Variants in TRPM2 observed in about 807,000 individuals in gnomAD.
The protein encoded by TRPM2 is estrogen-responsive element-associated gene 1 protein.
In TRPM2, 161 loss-of-function variants were observed where a neutral mutation model predicts 174.0. That is an observed-to-expected ratio of 0.93 (90% CI 0.81 to 1.05). The LOEUF is 1.05. TRPM2 is among the 50% of genes least tolerant of loss of function. The pLI is 0.00. For synonymous variants in TRPM2, 954 were observed against 861.3 expected, an observed-to-expected ratio of 1.11 and a Z score of -1.88; for missense variants, 2,057 against 2,038.0, an observed-to-expected ratio of 1.01 and a Z score of -0.18.
intron 9 of TRPM2, among the ~76,000 whole-genome samples, chr21:44,383,762 C>A (rs2146217357): frequency 6.6e-6 from 1 of 152,254 alleles, no homozygotes; most frequent in East Asian, 1.9e-4. Flanking sequence ...CACTACCTTA[C>A]ACAGCCAATG....
At position 44,366,684 on chromosome 21, in the gene TRPM2, C is replaced by A; in HGVS notation, c.424-70C>A. On this transcript the variant is annotated intron_variant, in intron 3 of 31. Transcript: ENST00000397928. The surrounding 1 kb of genome is among the most constrained non-coding windows in gnomAD (Gnocchi z 6.0). ...CGCCCGCTGGGGCCTCTCTGCATGG[C>A]CTGTGTGGGTCGGTGCTGTCCCTGA... 6.2e-7 allele frequency: 1 copy of A among 1,605,692 alleles called. No individual in the cohort carries two copies. The highest frequency in any genetic ancestry group is 8.5e-7 in the Non-Finnish European group (1 of 1,176,228).
intron 19 of TRPM2, 117 bp from the exon 20 acceptor site, chr21:44,413,774 G>A: frequency 8.3e-7 from 1 of 1,204,560 alleles, no homozygotes; most frequent in Non-Finnish European, 1.2e-6. Flanking sequence ...CAAATGAGCA[G>A]CATCAGGCCT....
chr21:44,402,021 G>C, intron 16 of TRPM2, 124 bp downstream of exon 16: 1 of 1,142,232 alleles, frequency 8.8e-7, no homozygotes, highest in Non-Finnish European at 1.3e-6. Flanking sequence ...AAGCTGAGCA[G>C]AGCCGGTGTT....
chr21:44,425,310 G>A (rs1018408274), intron 24 of TRPM2: 5 of 388,984 alleles, frequency 1.3e-5, no homozygotes, highest in Middle Eastern at 6.7e-4. Context: ...TCCTAAATTC[G>A]CAGCCGGCTA....
rs1235415504 is a variant in TRPM2 at position 44,442,174 on chromosome 21, G to A, written c.*357G>A. 1 of 205,992 alleles carries A rather than the reference G, an allele frequency of 4.9e-6. No individual in the cohort carries two copies. The highest frequency in any genetic ancestry group is 2.3e-5 in the African/African-American group (1 of 43,658). 12.8% of individuals were successfully genotyped at this position (205,992 alleles called of 1,614,324 possible). On this transcript the variant is annotated 3_prime_UTR_variant, in exon 32 of 32. Transcript: ENST00000397928. ...CCCGAGCAGCTCATCCACCATGGAG[G>A]TCATTGGCCTGAGGCAAGTTCCCCG... is the stretch of plus-strand genomic sequence containing the variant.
At chr21:44,428,458 C>CTT (rs2050890056) in intron 27 of TRPM2, among the ~76,000 whole-genome samples, 1 of 148,220 alleles carries the variant, frequency 6.7e-6, no homozygotes, top group South Asian at 2.2e-4. Context: ...TCTGGCCCCT[C>CTT]CCCTGACGTG....
intron 19 of TRPM2, among the ~76,000 whole-genome samples, chr21:44,407,516 A>T (rs1364443431): frequency 7.5e-6 from 1 of 133,358 alleles, no homozygotes; most frequent in East Asian, 2.3e-4. Flanking sequence ...GATAAAGTGC[A>T]CCTGTCAGTG....
intron 12 of TRPM2, among the ~76,000 whole-genome samples, chr21:44,396,344 C>T (rs1391797041): frequency 2.8e-4 from 1 of 3,634 alleles, no homozygotes; most frequent in Admixed American, 3.0e-3. Context: ...GTGTGGAGGG[C>T]TGTGGAGGGA....
intron 18 of TRPM2, 55 bp downstream of exon 18, chr21:44,406,092 G>GGGAGGGCAGGCCTCA: frequency 1.9e-6 from 3 of 1,589,772 alleles, no homozygotes; most frequent in Non-Finnish European, 2.6e-6. Flanking sequence ...GGTGGGCCTC[G>GGGAGGGCAGGCCTCA]GGGAGGGCAG....
At position 44,401,721 on chromosome 21, in the gene TRPM2, G is replaced by A. The variant is rs1268895301; in HGVS notation, c.2362G>A (p.Ala788Thr). The stretch of plus-strand genomic sequence containing the variant: ...GGATGTGGGCACCCCCGCGGCCCGC[G>A]CCCGTGCCTTCTTCACCGCACCCGT... ...LQDVGTPAAR[A>T]RAFFTAPVVV... Residue 788 changes from alanine (A) to threonine (T), a missense_variant, in exon 16 of 32, where the codon GCC (alanine) becomes ACC (threonine). Physicochemically the swap from Ala to Thr is moderately conservative, Grantham distance 58. Transcript: ENST00000397928. 13 of 1,613,206 alleles carry A rather than the reference G, an allele frequency of 8.1e-6. No homozygotes were observed. Among genetic ancestry groups the A allele is most frequent in the Admixed American group, 6.7e-5 (4 of 59,986 alleles).
chr21:44,410,180 G>A (rs867925809), intron 19 of TRPM2, among the ~76,000 whole-genome samples: 442 of 30,716 alleles, frequency 0.014, 11 homozygotes, highest in East Asian at 0.03. Flanking sequence ...TTTTGATCGC[G>A]CTGTCTTGGT....
intron 28 of TRPM2, among the ~76,000 whole-genome samples, chr21:44,436,411 A>G (rs1413874394): frequency 6.6e-6 from 1 of 151,972 alleles, no homozygotes; most frequent in Non-Finnish European, 1.5e-5. Context: ...CCGTGCAGAC[A>G]TGGCCCTGGG....
chr21:44,434,259 G>GGACGCTGGCGGGGACTGTGGCAGA (rs1211402736), intron 27 of TRPM2, among the ~76,000 whole-genome samples: 2 of 151,952 alleles, frequency 1.3e-5, no homozygotes, highest in Non-Finnish European at 2.9e-5. Flanking sequence ...ACGGTGGCGG[G>GGACGCTGGCGGGGACTGTGGCAGA]GACGCTGGCG....
intron 16 of TRPM2, among the ~76,000 whole-genome samples, chr21:44,403,192 A>G (rs2049688293): frequency 6.6e-6 from 1 of 152,138 alleles, no homozygotes; most frequent in South Asian, 2.1e-4. Context: ...CAGAGGGGGC[A>G]CTTCCTTCTC....
At chr21:44,440,950 C>A in intron 31 of TRPM2, 45 bp downstream of exon 31, 1 of 1,554,812 alleles carries the variant, frequency 6.4e-7, no homozygotes, top group Non-Finnish European at 8.9e-7. Context: ...GAGGCAGGGA[C>A]GGGTATGGGC....
At chr21:44,417,104 C>T (rs2050317670) in intron 20 of TRPM2, among the ~76,000 whole-genome samples, 1 of 126,326 alleles carries the variant, frequency 7.9e-6, no homozygotes, top group Non-Finnish European at 1.6e-5. Flanking sequence ...TGTGGCATCA[C>T]AGTGGGCATG....
intron 2 of TRPM2, among the ~76,000 whole-genome samples, chr21:44,362,575 C>G (rs1189931003): frequency 1.3e-5 from 2 of 151,990 alleles, no homozygotes; most frequent in East Asian, 3.9e-4. Context: ...TTGCTTCAGC[C>G]ATCAAACATC....
At chr21:44,426,170 T>C (rs1601237626) in intron 25 of TRPM2, among the ~76,000 whole-genome samples, 1 of 123,952 alleles carries the variant, frequency 8.1e-6, no homozygotes, top group African/African-American at 3.1e-5. Flanking sequence ...CCCACCCCGG[T>C]GAATGGCTCT....
chr21:44,410,177 C>T (rs1376332752), intron 19 of TRPM2, among the ~76,000 whole-genome samples: 316 of 55,070 alleles, frequency 5.7e-3, no homozygotes, highest in African/African-American at 0.014. Flanking sequence ...AAGTTTTGAT[C>T]GCGCTGTCTT....
Sources: gnomAD v4.1 joint callset for allele counts (sites outside exome capture counted in the v4.1 genomes callset) on GRCh38, gnomAD v4.1.1 for gene constraint, Gnocchi (gnomAD v3.1) non-coding constraint, MANE v1.5 for transcripts, NCBI Gene and HGNC (gene_info 2026-07-23, HGNC 2026-07-21) for gene names.